The following UBE2E2 variants were observed in gnomAD, a reference collection of about 807,000 sequenced individuals.
UBE2E2 encodes ubiquitin conjugating enzyme E2 E2.
A neutral mutation model predicts 24.7 loss-of-function variants in UBE2E2; 6 were observed. The observed-to-expected ratio is 0.24, with a 90% CI of 0.13 to 0.48. UBE2E2 has a LOEUF of 0.48. UBE2E2 is among the 20% of genes least tolerant of loss of function. UBE2E2 has a pLI of 0.99. For synonymous variants in UBE2E2, 104 were observed against 83.6 expected (o/e 1.24, Z -1.33); for missense variants, 169 against 245.0 (o/e 0.69, Z 2.07).
chr3:23,515,481 A>G (rs1036515522), intron 4 of UBE2E2, among the ~76,000 whole-genome samples: 1 of 152,078 alleles, frequency 6.6e-6, no homozygotes, highest in Non-Finnish European at 1.5e-5. Context: ...CAAGCTACAG[A>G]ATGACAATGT....
intron 3 of UBE2E2, among the ~76,000 whole-genome samples, chr3:23,313,060 G>A (rs979843457): frequency 5.9e-5 from 9 of 152,080 alleles, no homozygotes; most frequent in African/African-American, 9.7e-5. Flanking sequence ...AGTACACAGC[G>A]TATTCTGCAG....
chr3:23,507,810 G>A (rs1575673973), intron 4 of UBE2E2, among the ~76,000 whole-genome samples: 1 of 152,226 alleles, frequency 6.6e-6, no homozygotes, highest in East Asian at 1.9e-4. Context: ...GGAGGAAAGA[G>A]ATGGTTTGAG....
chr3:23,544,980 A>G (rs1351648549), intron 5 of UBE2E2, among the ~76,000 whole-genome samples: 1 of 152,220 alleles, frequency 6.6e-6, no homozygotes, highest in African/African-American at 2.4e-5. Context: ...GCTTTTAGAT[A>G]TGCATACACA....
chr3:23,215,576 C>T (rs913092544), intron 2 of UBE2E2, among the ~76,000 whole-genome samples: 1 of 152,020 alleles, frequency 6.6e-6, no homozygotes, highest in Non-Finnish European at 1.5e-5. Flanking sequence ...CCCCCTATGC[C>T]CCTTTAGTAG....
At chr3:23,500,510 C>A (rs969548099) in intron 4 of UBE2E2, among the ~76,000 whole-genome samples, 5 of 152,126 alleles carry the variant, frequency 3.3e-5, no homozygotes, top group Non-Finnish European at 7.3e-5. Context: ...ATTTGTTCTC[C>A]ACTATAGCAA....
intron 3 of UBE2E2, among the ~76,000 whole-genome samples, chr3:23,321,170 T>C (rs1403465330): frequency 6.6e-6 from 1 of 152,252 alleles, no homozygotes; most frequent in Non-Finnish European, 1.5e-5. Context: ...TATGCCCAAA[T>C]TTTCCTCCTC....
intron 3 of UBE2E2, among the ~76,000 whole-genome samples, chr3:23,322,546 GT>G (rs1694773116): frequency 6.6e-6 from 1 of 152,036 alleles, no homozygotes; most frequent in Non-Finnish European, 1.5e-5. Flanking sequence ...TCTTAAGATG[GT>G]AACTATCTCT....
intron 3 of UBE2E2, among the ~76,000 whole-genome samples, chr3:23,384,351 T>C (rs1477026522): frequency 6.6e-6 from 1 of 150,484 alleles, no homozygotes; most frequent in African/African-American, 2.4e-5. Flanking sequence ...TTCTGTAGAG[T>C]TGGGGTTTCT....
intron 3 of UBE2E2, among the ~76,000 whole-genome samples, chr3:23,240,937 T>G (rs1697243818): frequency 1.3e-5 from 2 of 152,246 alleles, no homozygotes; most frequent in African/African-American, 2.4e-5. Context: ...ACTTAAGGTT[T>G]AATTTTATTT....
intron 3 of UBE2E2, among the ~76,000 whole-genome samples, chr3:23,253,768 G>A (rs1020222612): frequency 6.6e-6 from 1 of 152,012 alleles, no homozygotes; most frequent in Non-Finnish European, 1.5e-5. Flanking sequence ...AAAATAAATA[G>A]GCAAGGTATA....
chr3:23,471,389 A>G (rs921335584), intron 3 of UBE2E2, among the ~76,000 whole-genome samples: 1 of 152,210 alleles, frequency 6.6e-6, no homozygotes, highest in East Asian at 1.9e-4. Context: ...CTAGCAGGTA[A>G]GGACAAACTG....
chr3:23,556,326 G>A (rs1017286435), intron 5 of UBE2E2, among the ~76,000 whole-genome samples: 22 of 150,304 alleles, frequency 1.5e-4, no homozygotes, highest in African/African-American at 5.4e-4. Flanking sequence ...TGTATTTTTA[G>A]TAGAGACGGT....
intron 3 of UBE2E2, among the ~76,000 whole-genome samples, chr3:23,344,248 C>A (rs1052300697): frequency 1.3e-5 from 2 of 152,070 alleles, no homozygotes; most frequent in Non-Finnish European, 2.9e-5. Context: ...GTCCTTCATA[C>A]TGAGGTCTCA....
chr3:23,543,139 C>A, intron 5 of UBE2E2, among the ~76,000 whole-genome samples: 1 of 152,092 alleles, frequency 6.6e-6, no homozygotes, highest in Admixed American at 6.6e-5. Flanking sequence ...CAAAGTGAGA[C>A]CCTGTCGCTA....
intron 3 of UBE2E2, among the ~76,000 whole-genome samples, chr3:23,453,780 T>G (rs1046375681): frequency 1.3e-5 from 2 of 152,192 alleles, no homozygotes; most frequent in African/African-American, 4.8e-5. Context: ...GTATTACAGC[T>G]TTCCTTTCAA....
intron 3 of UBE2E2, among the ~76,000 whole-genome samples, chr3:23,320,479 G>T (rs1694711366): frequency 6.6e-6 from 1 of 152,160 alleles, no homozygotes. Flanking sequence ...ATTCTGGAAA[G>T]AAATCCTGTA....
chr3:23,586,539 C>G (rs1190330016), intron 5 of UBE2E2, among the ~76,000 whole-genome samples: 1 of 152,114 alleles, frequency 6.6e-6, no homozygotes, highest in Non-Finnish European at 1.5e-5. Context: ...CTCAAGCTGT[C>G]CTCCACCCTC....
intron 3 of UBE2E2, among the ~76,000 whole-genome samples, chr3:23,419,916 C>G (rs1697753714): frequency 6.6e-6 from 1 of 152,160 alleles, no homozygotes; most frequent in South Asian, 2.1e-4. Context: ...TCTTCTGCCT[C>G]TCCCTTCAAT....
At chr3:23,289,568 T>G (rs1015291304) in intron 3 of UBE2E2, among the ~76,000 whole-genome samples, 1 of 152,248 alleles carries the variant, frequency 6.6e-6, no homozygotes, top group Non-Finnish European at 1.5e-5. Context: ...AAATACCGTT[T>G]AAGATGTCAC....
Sources: gnomAD v4.1 joint callset for allele counts (sites outside exome capture counted in the v4.1 genomes callset) on GRCh38, gnomAD v4.1.1 for gene constraint, MANE v1.5 for transcripts, NCBI Gene and HGNC (gene_info 2026-07-23, HGNC 2026-07-21) for gene names.